TUSC3: variants seen among roughly 807,000 people sequenced by gnomAD.
TUSC3 encodes dolichyl-diphosphooligosaccharide--protein glycosyltransferase subunit TUSC3.
TUSC3 carries 45 observed loss-of-function variants against 44.8 expected under a neutral mutation model. The ratio of observed to expected loss-of-function variants is 1.00; its 90% CI spans 0.79 to 1.29. TUSC3 has a LOEUF of 1.29. TUSC3 is among the 50% of genes most tolerant of loss of function. The probability of loss-of-function intolerance (pLI) is 0.00; values close to 1 mark genes in which losing one functional copy is unlikely to be tolerated. For missense variants in TUSC3, 519 were observed against 437.9 expected, an observed-to-expected ratio of 1.19 and a Z score of -1.65; for synonymous variants, 212 against 152.9, an observed-to-expected ratio of 1.39 and a Z score of -2.85.
chr8:15,671,072 G>C (rs534830363), intron 5 of TUSC3, among the ~76,000 whole-genome samples: 2 of 151,848 alleles, frequency 1.3e-5, no homozygotes, highest in African/African-American at 2.4e-5. Flanking sequence ...TGGATCTCTC[G>C]TGTACTGTTA....
the TUSC3 span, among the ~76,000 whole-genome samples, chr8:15,840,322 C>T: frequency 6.6e-6 from 1 of 152,026 alleles, no homozygotes; most frequent in Admixed American, 6.6e-5. Flanking sequence ...CACATGTATA[C>T]ATATGTAACA....
chr8:15,708,830 C>T (rs1356112535), intron 6 of TUSC3, among the ~76,000 whole-genome samples: 2 of 151,748 alleles, frequency 1.3e-5, no homozygotes, highest in South Asian at 2.1e-4. Context: ...AGTCCAAATC[C>T]GTGTGTAAAC....
the TUSC3 span, among the ~76,000 whole-genome samples, chr8:15,785,608 T>C: frequency 1.3e-5 from 2 of 152,108 alleles, no homozygotes; most frequent in Non-Finnish European, 2.9e-5. Flanking sequence ...AACTGCGCAA[T>C]CTGAGCACTG....
rs575456628 is a variant in TUSC3 at position 15,733,860 on chromosome 8, T to C, written c.862+3131T>C. ...AGTTTGAGACCAGCCTGGGCAACAG[T>C]AGGGGGAATCCTGTCTCTACAAAAA... is the stretch of plus-strand genomic sequence containing the variant. On this transcript the variant is annotated intron_variant, in intron 7 of 10. Coordinates refer to ENST00000503731, the MANE Select transcript of TUSC3 (RefSeq NM_006765.4). 2.6e-5 allele frequency among the ~76,000 whole-genome samples: 4 copies of C among 152,128 alleles called. No individual in the cohort carries two copies. The South Asian group carries it at 6.2e-4, about 24-fold the overall frequency.
chr8:15,737,132 GCAAA>G (rs373538174), intron 7 of TUSC3, among the ~76,000 whole-genome samples: 82 of 152,152 alleles, frequency 5.4e-4, no homozygotes, highest in African/African-American at 1.9e-3. Flanking sequence ...ATTATAGAGA[GCAAA>G]CATTCCTTTT....
chr8:15,807,801 G>A, the TUSC3 span, among the ~76,000 whole-genome samples: 1 of 152,262 alleles, frequency 6.6e-6, no homozygotes, highest in Admixed American at 6.5e-5. Flanking sequence ...TTATAAGTGG[G>A]AGCTAAACAT....
chr8:15,800,390 T>C, the TUSC3 span, among the ~76,000 whole-genome samples: 1 of 151,862 alleles, frequency 6.6e-6, no homozygotes, highest in East Asian at 1.9e-4. Flanking sequence ...CTGCGCAACA[T>C]AGTGAAAACC....
At chr8:15,851,929 G>A in the TUSC3 span, among the ~76,000 whole-genome samples, 1 of 152,126 alleles carries the variant, frequency 6.6e-6, no homozygotes, top group Non-Finnish European at 1.5e-5. Flanking sequence ...TAAGTCTCCT[G>A]AGACCTGATA....
At chr8:15,424,071 A>T (rs1234576327) in intron 1 of TUSC3, among the ~76,000 whole-genome samples, 1 of 132,180 alleles carries the variant, frequency 7.6e-6, no homozygotes. Context: ...GCTCACTGCA[A>T]CCTCTACCTC....
intron 1 of TUSC3, among the ~76,000 whole-genome samples, chr8:15,471,876 C>T (rs934553645): frequency 6.6e-6 from 1 of 152,078 alleles, no homozygotes; most frequent in South Asian, 2.1e-4. Context: ...CCCCTGCCTC[C>T]CAAAGTGCTA....
intron 1 of TUSC3, among the ~76,000 whole-genome samples, chr8:15,544,203 C>G (rs976358872): frequency 4.6e-5 from 7 of 152,008 alleles, no homozygotes; most frequent in Non-Finnish European, 8.8e-5. Context: ...TATCATTTGC[C>G]TATCTAGTGC....
the TUSC3 span, among the ~76,000 whole-genome samples, chr8:15,782,166 G>A: frequency 6.6e-6 from 1 of 152,112 alleles, no homozygotes; most frequent in South Asian, 2.1e-4. Flanking sequence ...CAATATCCCT[G>A]ATAAACATGG....
At chr8:15,795,412 G>C in the TUSC3 span, among the ~76,000 whole-genome samples, 1 of 152,140 alleles carries the variant, frequency 6.6e-6, no homozygotes, top group African/African-American at 2.4e-5. Context: ...GACAAATTTT[G>C]TATCACCATT....
chr8:15,683,582 C>T (rs1385171723), intron 6 of TUSC3, among the ~76,000 whole-genome samples: 1 of 152,042 alleles, frequency 6.6e-6, no homozygotes, highest in Non-Finnish European at 1.5e-5. Context: ...TCAGCTTCCT[C>T]TTGTATCTCA....
chr8:15,769,495 A>G (rs886831973), downstream of TUSC3, among the ~76,000 whole-genome samples: 5 of 152,178 alleles, frequency 3.3e-5, no homozygotes, highest in African/African-American at 1.2e-4. Context: ...AACCTAGGCA[A>G]TACCATTCAG....
At chr8:15,621,590 T>C (rs1337989125) in intron 1 of TUSC3, among the ~76,000 whole-genome samples, 1 of 147,952 alleles carries the variant, frequency 6.8e-6, no homozygotes, top group Non-Finnish European at 1.5e-5. Context: ...CAAATATATA[T>C]ATGGATTTAT....
At chr8:15,548,839 A>G (rs1209404402) in intron 1 of TUSC3, among the ~76,000 whole-genome samples, 1 of 151,812 alleles carries the variant, frequency 6.6e-6, no homozygotes, top group African/African-American at 2.4e-5. Context: ...TTTGTCAATT[A>G]CATATTAAAT....
chr8:15,710,394 A>G lies in TUSC3; in HGVS notation c.799-20272A>G, dbSNP rs549076788. On this transcript the variant is annotated intron_variant, in intron 6 of 10. Transcript: ENST00000503731. ...GTCTTCTAGTATAGGGCCTCGTGCT[A>G]TTTAAGCCTAGATGAAATAAAGAGT... is the stretch of plus-strand genomic sequence containing the variant. Among the ~76,000 whole-genome samples the G allele has an allele frequency of 3.3e-5, 5 of 151,906 alleles. No homozygotes were observed. In the South Asian group the frequency reaches 8.3e-4, roughly 25 times the overall value.
At chr8:15,596,434 CT>C (rs1490504509) in intron 1 of TUSC3, among the ~76,000 whole-genome samples, 2 of 152,092 alleles carry the variant, frequency 1.3e-5, no homozygotes, top group African/African-American at 4.8e-5. Flanking sequence ...GATGCAAAAC[CT>C]TTGCATACAG....
Sources: allele counts gnomAD v4.1 joint callset (sites outside exome capture counted in the v4.1 genomes callset), GRCh38; gene constraint gnomAD v4.1.1; transcripts MANE v1.5; gene names NCBI Gene and HGNC (gene_info 2026-07-23, HGNC 2026-07-21).